MICU3: variants seen among roughly 807,000 people sequenced by gnomAD.
MICU3 encodes calcium uptake protein 3, mitochondrial.
In MICU3, 62 loss-of-function variants were observed where a neutral mutation model predicts 66.5. The ratio of observed to expected loss-of-function variants is 0.93; its 90% CI spans 0.76 to 1.15. MICU3 has a LOEUF of 1.15. MICU3 is among the 50% of genes most tolerant of loss of function. The probability of loss-of-function intolerance (pLI) is 0.00; values close to 1 mark genes in which losing one functional copy is unlikely to be tolerated. For synonymous variants in MICU3, 308 were observed against 240.7 expected (o/e 1.28, Z -2.59); for missense variants, 779 against 664.4 (o/e 1.17, Z -1.90).
intron 1 of MICU3, among the ~76,000 whole-genome samples, chr8:17,061,058 T>A (rs998924527): frequency 6.6e-5 from 10 of 152,210 alleles, no homozygotes; most frequent in Non-Finnish European, 1.2e-4. Context: ...TAGTTCTGCA[T>A]GTTTTCTCTC....
rs202243126 is a variant in MICU3 at position 17,098,515 on chromosome 8, C to G, written c.946C>G (p.Arg316Gly). ...VSRSYWDTLR[R>G]NTSQALFSDL... ...CAGAAGCTATTGGGATACACTGAGA[C>G]GTAACACAAGCCAAGCACTGTTTTC... Residue 316 changes from arginine to glycine, a missense_variant, in exon 9 of 15, where the codon CGT becomes GGT. Arg to Gly is a moderately radical substitution (Grantham distance 125, BLOSUM62 -2). Transcript: ENST00000318063. 1.9e-6 allele frequency: 3 copies of G among 1,611,430 alleles called. No homozygotes were observed. The highest frequency in any genetic ancestry group is 1.7e-5 in the Admixed American group (1 of 59,836).
chr8:17,105,755 T>C (rs2150814530), intron 11 of MICU3, among the ~76,000 whole-genome samples, 171 bp downstream of exon 11: 2 of 152,170 alleles, frequency 1.3e-5, no homozygotes. Flanking sequence ...ATAAATTAAT[T>C]GTATATTCTG....
chr8:17,062,740 C>G (rs993935207), intron 1 of MICU3, among the ~76,000 whole-genome samples: 2 of 152,134 alleles, frequency 1.3e-5, no homozygotes, highest in Non-Finnish European at 2.9e-5. Context: ...AAAAAGTCTT[C>G]TTTGACTAAT....
At chr8:17,133,222 G>C in the MICU3 span, among the ~76,000 whole-genome samples, 2 of 152,188 alleles carry the variant, frequency 1.3e-5, no homozygotes, top group Admixed American at 1.3e-4. Context: ...GATGGGGAAA[G>C]TGCACTATCT....
intron 9 of MICU3, among the ~76,000 whole-genome samples, chr8:17,103,292 T>A (rs1395187817): frequency 6.6e-6 from 1 of 151,762 alleles, no homozygotes; most frequent in Non-Finnish European, 1.5e-5. Context: ...ATATGAAAAT[T>A]TAGTATATGG....
chr8:17,064,348 C>G (rs1178840184), intron 2 of MICU3, 111 bp downstream of exon 2: 1 of 740,902 alleles, frequency 1.3e-6, no homozygotes, highest in African/African-American at 1.8e-5. Context: ...TGTGGTATTT[C>G]ACATGATATT....
At chr8:17,063,596 A>T (rs183154286) in intron 1 of MICU3, among the ~76,000 whole-genome samples, 2 of 152,238 alleles carry the variant, frequency 1.3e-5, no homozygotes, top group East Asian at 3.9e-4. Flanking sequence ...TCTAATCTAA[A>T]TATTACCACT....
intron 12 of MICU3, among the ~76,000 whole-genome samples, chr8:17,115,710 G>C (rs1326866335): frequency 2.0e-5 from 3 of 152,044 alleles, no homozygotes; most frequent in African/African-American, 7.3e-5. Flanking sequence ...ACTTTTCTAT[G>C]ACACATCTGC....
intron 1 of MICU3, among the ~76,000 whole-genome samples, chr8:17,043,432 A>G (rs1020397045): frequency 2.6e-5 from 4 of 152,192 alleles, no homozygotes; most frequent in Non-Finnish European, 5.9e-5. Flanking sequence ...ATATACATAC[A>G]TTGTCCCCAG....
intron 1 of MICU3, among the ~76,000 whole-genome samples, chr8:17,029,892 T>A (rs1811719976): frequency 6.6e-6 from 1 of 152,224 alleles, no homozygotes; most frequent in Non-Finnish European, 1.5e-5. Flanking sequence ...GAAGTTAAAT[T>A]TCCTGACAGA....
intron 11 of MICU3, among the ~76,000 whole-genome samples, chr8:17,111,171 C>A (rs539800299): frequency 6.6e-6 from 1 of 152,010 alleles, no homozygotes; most frequent in African/African-American, 2.4e-5. Flanking sequence ...AGTCCTTTGC[C>A]CATTTTTAAA....
At chr8:17,032,027 G>A (rs571165336) in intron 1 of MICU3, among the ~76,000 whole-genome samples, 53 of 152,314 alleles carry the variant, frequency 3.5e-4, no homozygotes, top group Middle Eastern at 3.4e-3. Context: ...GTCCTAGCCT[G>A]ATAGGCACAA....
At chr8:17,086,474 T>C (rs1263528733) in intron 6 of MICU3, among the ~76,000 whole-genome samples, 1 of 152,066 alleles carries the variant, frequency 6.6e-6, no homozygotes, top group Non-Finnish European at 1.5e-5. Context: ...TGCAGAATGA[T>C]GGGGAGATGG....
At chr8:17,031,262 T>TTTTTTTTTTTTA (rs111800861) in intron 1 of MICU3, among the ~76,000 whole-genome samples, 5 of 139,194 alleles carry the variant, frequency 3.6e-5, no homozygotes, top group African/African-American at 1.4e-4. Context: ...TGCCACTTCA[T>TTTTTTTTTTTTA]TTATTATTAT....
intron 1 of MICU3, among the ~76,000 whole-genome samples, chr8:17,028,400 AATACAAG>A (rs1811420402): frequency 6.6e-6 from 1 of 152,220 alleles, no homozygotes; most frequent in South Asian, 2.1e-4. Context: ...TGTAGTTAAT[AATACAAG>A]GTAAAGATGT....
At chr8:17,051,585 C>G (rs936830059) in intron 1 of MICU3, among the ~76,000 whole-genome samples, 4 of 152,016 alleles carry the variant, frequency 2.6e-5, no homozygotes, top group African/African-American at 9.7e-5. Flanking sequence ...ACAGGAATAC[C>G]CAGAGGGATA....
At chr8:17,038,826 G>A (rs1012816694) in intron 1 of MICU3, among the ~76,000 whole-genome samples, 12 of 151,966 alleles carry the variant, frequency 7.9e-5, no homozygotes, top group South Asian at 6.2e-4. Flanking sequence ...GGTGGCAGTC[G>A]CCTGTAGTCC....
chr8:17,077,971 G>A, intron 4 of MICU3, 110 bp downstream of exon 4: 5 of 535,028 alleles, frequency 9.3e-6, no homozygotes, highest in Non-Finnish European at 1.5e-5. Flanking sequence ...CTATGTGTAT[G>A]CATAGAGAAA....
intron 5 of MICU3, among the ~76,000 whole-genome samples, chr8:17,084,843 A>C (rs1363360706): frequency 1.3e-5 from 2 of 151,902 alleles, no homozygotes; most frequent in African/African-American, 4.8e-5. Context: ...TTTAGTTATA[A>C]TTTTCCCAAG....
Sources: allele counts gnomAD v4.1 joint callset (sites outside exome capture counted in the v4.1 genomes callset), GRCh38; gene constraint gnomAD v4.1.1; transcripts MANE v1.5; gene names NCBI Gene and HGNC (gene_info 2026-07-23, HGNC 2026-07-21).